Variants in ADAMTSL1 observed in about 807,000 individuals in gnomAD.
ADAMTSL1 encodes ADAMTS like 1.
A neutral mutation model predicts 201.8 loss-of-function variants in ADAMTSL1; 126 were observed. The ratio of observed to expected loss-of-function variants is 0.62; its 90% CI spans 0.54 to 0.72. The LOEUF is 0.72. Ranked by LOEUF, ADAMTSL1 falls within the 30% of genes least tolerant of loss-of-function variation. ADAMTSL1 has a pLI of 0.00. For synonymous variants in ADAMTSL1, 1,121 were observed against 903.4 expected, an observed-to-expected ratio of 1.24 and a Z score of -4.32; for missense variants, 2,679 against 2,277.8, an observed-to-expected ratio of 1.18 and a Z score of -3.59.
At chr9:18,501,800 T>G (rs1255976965) in intron 1 of ADAMTSL1, among the ~76,000 whole-genome samples, 2 of 152,218 alleles carry the variant, frequency 1.3e-5, no homozygotes, top group Admixed American at 6.5e-5. Context: ...TGTTCGACTT[T>G]GTGAAATAGA....
At chr9:17,971,282 C>T (rs942485853) in intron 1 of ADAMTSL1, among the ~76,000 whole-genome samples, 1 of 151,982 alleles carries the variant, frequency 6.6e-6, no homozygotes, top group African/African-American at 2.4e-5. Context: ...AGCTATTGAC[C>T]TTGAAAAATA....
chr9:18,512,162 T>C lies in ADAMTSL1; in HGVS notation c.191+7206T>C, dbSNP rs73643281. On this transcript the variant is annotated intron_variant, in intron 2 of 28. Transcript: ENST00000380548. The stretch of plus-strand genomic sequence containing the variant: ...TTAAGAGTTTGCAGTTGCCTTCCTT[T>C]TACTTTTTGGGTTAAAGCCTAGTCT... Among the ~76,000 whole-genome samples, 1,189 of 152,314 alleles carry C rather than the reference T, an allele frequency of 7.8e-3. 14 individuals carry two copies. The highest frequency in any genetic ancestry group is 0.027 in the African/African-American group (1,116 of 41,574).
At chr9:18,643,080 C>G (rs974545257) in intron 7 of ADAMTSL1, among the ~76,000 whole-genome samples, 4 of 151,978 alleles carry the variant, frequency 2.6e-5, no homozygotes, top group Non-Finnish European at 4.4e-5. Flanking sequence ...TCTCTACATC[C>G]GTGCCAATAC....
chr9:18,587,065 G>C (rs7040355), intron 4 of ADAMTSL1, among the ~76,000 whole-genome samples: 1 of 151,896 alleles, frequency 6.6e-6, no homozygotes, highest in Admixed American at 6.6e-5. Context: ...CAAAGATGCC[G>C]AAAGCAATTC....
chr9:18,092,939 G>A (rs1336496626), intron 1 of ADAMTSL1, among the ~76,000 whole-genome samples: 1 of 152,132 alleles, frequency 6.6e-6, no homozygotes, highest in East Asian at 1.9e-4. Flanking sequence ...GGAATATCTG[G>A]GAAGCTGAAC....
At chr9:18,460,142 T>G (rs1195166791) in intron 2 of ADAMTSL1, among the ~76,000 whole-genome samples, 1 of 152,214 alleles carries the variant, frequency 6.6e-6, no homozygotes, top group Non-Finnish European at 1.5e-5. Context: ...ACTCAAGTCT[T>G]AAGCATGACA....
chr9:18,897,916 A>G (rs908603942), intron 26 of ADAMTSL1, among the ~76,000 whole-genome samples: 3 of 151,994 alleles, frequency 2.0e-5, no homozygotes, highest in Admixed American at 6.6e-5. Context: ...GGTGGCTCAC[A>G]TCTGTAATTC....
chr9:18,616,564 A>G (rs1587714575), intron 4 of ADAMTSL1, among the ~76,000 whole-genome samples: 3 of 152,296 alleles, frequency 2.0e-5, no homozygotes, highest in South Asian at 2.1e-4. Flanking sequence ...TGTCTACTAT[A>G]AAGAACACAT....
chr9:18,768,645 C>T (rs562085673), intron 16 of ADAMTSL1, among the ~76,000 whole-genome samples: 4 of 151,884 alleles, frequency 2.6e-5, no homozygotes, highest in Non-Finnish European at 5.9e-5. Context: ...GGTTTCTCAC[C>T]ATTGATTTTA....
At chr9:18,037,031 G>C (rs1821229835) in intron 1 of ADAMTSL1, among the ~76,000 whole-genome samples, 2 of 152,156 alleles carry the variant, frequency 1.3e-5, no homozygotes, top group Admixed American at 1.3e-4. Context: ...CTTCCTAGGT[G>C]ATGTGTCGTC....
intron 2 of ADAMTSL1, among the ~76,000 whole-genome samples, chr9:18,212,556 T>C (rs1159431890): frequency 6.6e-6 from 1 of 152,118 alleles, no homozygotes; most frequent in Non-Finnish European, 1.5e-5. Flanking sequence ...TGAAGTGTAG[T>C]TTTAAAAGTT....
At chr9:18,020,242 C>A (rs1173011511) in intron 1 of ADAMTSL1, among the ~76,000 whole-genome samples, 1 of 151,974 alleles carries the variant, frequency 6.6e-6, no homozygotes, top group Non-Finnish European at 1.5e-5. Flanking sequence ...AAGATGGTCC[C>A]CATCTACTGG....
chr9:18,029,328 A>G (rs966774556), intron 1 of ADAMTSL1, among the ~76,000 whole-genome samples: 4 of 152,214 alleles, frequency 2.6e-5, no homozygotes, highest in Non-Finnish European at 4.4e-5. Context: ...TGGTGCTGGG[A>G]AAACTGGCTA....
At position 18,281,363 on chromosome 9, in the gene ADAMTSL1, C is replaced by T. The variant is rs888321585; in HGVS notation, c.207+117382C>T. ...GAGCCTGGGCTCCAGAGTCAGACAC[C>T]GCACTCACCAGACTATGGAGAATTC... On this transcript the variant is annotated intron_variant, in intron 2 of 29. Coordinates refer to the ADAMTSL1 transcript ENST00000680146. Among the ~76,000 whole-genome samples the T allele has an allele frequency of 9.9e-5, 15 of 152,018 alleles. No homozygotes were observed. The East Asian group carries it at 2.7e-3, about 27-fold the overall frequency.
intron 3 of ADAMTSL1, among the ~76,000 whole-genome samples, chr9:18,568,183 A>G (rs1822060862): frequency 6.6e-6 from 1 of 152,250 alleles, no homozygotes; most frequent in Non-Finnish European, 1.5e-5. Flanking sequence ...AGTTGCAAAT[A>G]GAAATTGAAA....
At chr9:18,147,886 C>A (rs1199020663) in intron 1 of ADAMTSL1, among the ~76,000 whole-genome samples, 1 of 152,046 alleles carries the variant, frequency 6.6e-6, no homozygotes, top group Non-Finnish European at 1.5e-5. Flanking sequence ...CAGCATGAAG[C>A]TTTTATCTCC....
chr9:18,370,648 G>A (rs1837003410), intron 2 of ADAMTSL1, among the ~76,000 whole-genome samples: 1 of 147,126 alleles, frequency 6.8e-6, no homozygotes, highest in South Asian at 2.1e-4. Context: ...CTTTTGGGTT[G>A]TGTGTGTATT....
chr9:18,373,833 C>G (rs1837163929), intron 2 of ADAMTSL1, among the ~76,000 whole-genome samples: 1 of 152,174 alleles, frequency 6.6e-6, no homozygotes, highest in Non-Finnish European at 1.5e-5. Context: ...GGATTTTCAC[C>G]TAGCTACTAG....
intron 17 of ADAMTSL1, among the ~76,000 whole-genome samples, chr9:18,771,072 T>A (rs1820663759): frequency 6.6e-6 from 1 of 152,116 alleles, no homozygotes; most frequent in African/African-American, 2.4e-5. Flanking sequence ...AGGATTCTTT[T>A]CCACACACTG....
Sources: gnomAD v4.1 joint callset for allele counts (sites outside exome capture counted in the v4.1 genomes callset) on GRCh38, gnomAD v4.1.1 for gene constraint, MANE v1.5 for transcripts, NCBI Gene and HGNC (gene_info 2026-07-23, HGNC 2026-07-21) for gene names.